GPC5: variants seen among roughly 807,000 people sequenced by gnomAD.
GPC5 encodes the protein glypican-5.
GPC5 carries 47 observed loss-of-function variants against 53.9 expected under a neutral mutation model. The observed-to-expected ratio is 0.87, with a 90% confidence interval of 0.69 to 1.11. The LOEUF is 1.11. GPC5 is among the 50% of genes most tolerant of loss of function. GPC5 has a pLI of 0.00. For synonymous variants in GPC5, 286 were observed against 263.3 expected (o/e 1.09, Z -0.84); for missense variants, 748 against 713.1 (o/e 1.05, Z -0.56).
At chr13:91,815,245 G>A (rs1566279996) in intron 5 of GPC5, among the ~76,000 whole-genome samples, 1 of 151,972 alleles carries the variant, frequency 6.6e-6, no homozygotes, top group African/African-American at 2.4e-5. Flanking sequence ...AATTAGCCAG[G>A]CCTGGTGGTA....
intron 7 of GPC5, among the ~76,000 whole-genome samples, chr13:92,791,474 A>G (rs889269320): frequency 6.6e-6 from 1 of 151,868 alleles, no homozygotes; most frequent in African/African-American, 2.4e-5. Flanking sequence ...AAGGAGGGAC[A>G]ATAGTAGTCA....
intron 7 of GPC5, chr13:92,709,443 A>G (rs1888065345): frequency 6.6e-6 from 1 of 152,102 alleles, no homozygotes; most frequent in Non-Finnish European, 1.5e-5. Context: ...TTCAGTAACA[A>G]TCTTACATAT....
At chr13:92,246,758 A>G (rs1230424132) in intron 7 of GPC5, among the ~76,000 whole-genome samples, 1 of 152,172 alleles carries the variant, frequency 6.6e-6, no homozygotes, top group East Asian at 1.9e-4. Context: ...TTTTAAATAT[A>G]TCAAATGTTC....
intron 2 of GPC5, among the ~76,000 whole-genome samples, chr13:91,669,519 A>G (rs2139666166): frequency 6.6e-6 from 1 of 152,250 alleles, no homozygotes; most frequent in East Asian, 1.9e-4. Flanking sequence ...TCCTCCAATG[A>G]CCTTCTAAGA....
At chr13:91,770,475 G>T (rs1594546448) in intron 5 of GPC5, among the ~76,000 whole-genome samples, 1 of 152,034 alleles carries the variant, frequency 6.6e-6, no homozygotes, top group Non-Finnish European at 1.5e-5. Flanking sequence ...CCCCATCCAA[G>T]AGGCCATCAG....
chr13:91,576,387 GAAAT>G (rs2032137907), intron 2 of GPC5, among the ~76,000 whole-genome samples: 1 of 151,500 alleles, frequency 6.6e-6, no homozygotes, highest in African/African-American at 2.4e-5. Flanking sequence ...TTAGTAGTTA[GAAAT>G]AAATAAAAAA....
intron 6 of GPC5, among the ~76,000 whole-genome samples, chr13:91,947,279 TA>T (rs542788974): frequency 4.0e-5 from 6 of 151,160 alleles, no homozygotes; most frequent in South Asian, 4.2e-4. Flanking sequence ...TCATTTTATG[TA>T]AAAAAAAATA....
At chr13:92,312,110 G>A (rs1033383180) in intron 7 of GPC5, among the ~76,000 whole-genome samples, 2 of 152,140 alleles carry the variant, frequency 1.3e-5, no homozygotes, top group Admixed American at 1.3e-4. Context: ...ATGACAATGA[G>A]GAGATAAGAT....
At chr13:91,740,779 C>T (rs1359274671) in intron 4 of GPC5, among the ~76,000 whole-genome samples, 1 of 152,160 alleles carries the variant, frequency 6.6e-6, no homozygotes, top group Non-Finnish European at 1.5e-5. Flanking sequence ...TTGTCTAAAG[C>T]AGGCCAGGCA....
intron 3 of GPC5, among the ~76,000 whole-genome samples, chr13:91,709,804 A>C (rs2036187844): frequency 6.6e-6 from 1 of 152,240 alleles, no homozygotes; most frequent in Non-Finnish European, 1.5e-5. Context: ...TGAATATCTG[A>C]TCATCAACTT....
At chr13:92,525,471 T>TGTGTGTGTGC (rs1197251672) in intron 7 of GPC5, among the ~76,000 whole-genome samples, 7 of 140,770 alleles carry the variant, frequency 5.0e-5, no homozygotes, top group Non-Finnish European at 9.6e-5. Context: ...TGTGTGTGTG[T>TGTGTGTGTGC]GTGTGTGTGA....
chr13:92,435,016 G>A (rs1041964221), intron 7 of GPC5, among the ~76,000 whole-genome samples: 1 of 152,176 alleles, frequency 6.6e-6, no homozygotes. Flanking sequence ...CCTGGTTCAA[G>A]CGATTCTTCT....
At chr13:92,273,998 G>A (rs1004267510) in intron 7 of GPC5, among the ~76,000 whole-genome samples, 1 of 152,106 alleles carries the variant, frequency 6.6e-6, no homozygotes, top group Non-Finnish European at 1.5e-5. Context: ...TAATTGACTA[G>A]TTTCTTTAAC....
chr13:91,943,475 T>C (rs76725683), intron 6 of GPC5, among the ~76,000 whole-genome samples: 3,719 of 152,246 alleles, frequency 0.024, 148 homozygotes, highest in African/African-American at 0.085. Flanking sequence ...GTATGTGCTT[T>C]GTATAAGATG....
At chr13:92,078,434 TG>T (rs2041269574) in intron 6 of GPC5, among the ~76,000 whole-genome samples, 1 of 152,212 alleles carries the variant, frequency 6.6e-6, no homozygotes, top group Non-Finnish European at 1.5e-5. Context: ...CCTGACCTCC[TG>T]GGGTTAATGT....
intron 7 of GPC5, among the ~76,000 whole-genome samples, chr13:92,800,888 T>C (rs1317017972): frequency 6.6e-6 from 1 of 151,810 alleles, no homozygotes; most frequent in African/African-American, 2.4e-5. Flanking sequence ...CTTTTAACCC[T>C]TTTAAATTCC....
chr13:91,499,845 A>G (rs573193607), intron 2 of GPC5, among the ~76,000 whole-genome samples: 1 of 152,312 alleles, frequency 6.6e-6, no homozygotes, highest in Admixed American at 6.5e-5. Flanking sequence ...CTAAAACATC[A>G]TCCTGTATTG....
At position 92,752,536 on chromosome 13, in the gene GPC5, G is replaced by A. The variant is rs191087532; in HGVS notation, c.1562-113746G>A. On this transcript the variant is annotated intron_variant, in intron 7 of 7. Transcript: ENST00000377067. Reference sequence around the variant, plus strand: ...CCGGTCTACAGCTCCCAGCGTGAGCGACGCAGAAGACGGGTGATTTCTGCA... The same window carrying A: ...CCGGTCTACAGCTCCCAGCGTGAGCAACGCAGAAGACGGGTGATTTCTGCA... 6.1e-3 allele frequency among the ~76,000 whole-genome samples: 924 copies of A among 151,856 alleles called. 10 individuals carry two copies. Among genetic ancestry groups the A allele is most frequent in the Middle Eastern group, 0.01 (3 of 294 alleles).
chr13:92,664,144 C>T (rs191890496), intron 7 of GPC5, among the ~76,000 whole-genome samples: 2 of 151,834 alleles, frequency 1.3e-5, no homozygotes, highest in Admixed American at 1.3e-4. Context: ...GTTGCTCTGG[C>T]AACATTGTGG....
Sources: gnomAD v4.1 joint callset for allele counts (sites outside exome capture counted in the v4.1 genomes callset) on GRCh38, gnomAD v4.1.1 for gene constraint, MANE v1.5 for transcripts, NCBI Gene and HGNC (gene_info 2026-07-23, HGNC 2026-07-21) for gene names.